Variants in EIF3H observed in about 807,000 individuals in gnomAD.
EIF3H encodes eIF-3-gamma.
A neutral mutation model predicts 44.2 loss-of-function variants in EIF3H; 26 were observed. The ratio of observed to expected loss-of-function variants is 0.59; its 90% CI spans 0.43 to 0.82. The LOEUF (loss-of-function observed/expected upper bound fraction) is 0.82. Ranked by LOEUF, EIF3H falls within the 40% of genes least tolerant of loss-of-function variation. The pLI, the probability that EIF3H is intolerant of heterozygous loss-of-function variation, is 0.00. For synonymous variants in EIF3H, 166 were observed against 151.9 expected (o/e 1.09, Z -0.68); for missense variants, 359 against 432.8 (o/e 0.83, Z 1.51).
intron 6 of EIF3H, 143 bp from the exon 7 acceptor site, chr8:116,646,746 G>C: frequency 8.6e-7 from 1 of 1,168,656 alleles, no homozygotes. Context: ...TTGGTAACTT[G>C]CGTCTAAGAA....
intron 2 of EIF3H, among the ~76,000 whole-genome samples, chr8:116,673,424 C>G (rs1813790460): frequency 6.6e-6 from 1 of 152,132 alleles, no homozygotes; most frequent in Admixed American, 6.5e-5. Context: ...GCCCAGTAAT[C>G]TCATCAATTT....
At chr8:116,694,659 G>A (rs7823870) in intron 2 of EIF3H, among the ~76,000 whole-genome samples, 82,828 of 151,994 alleles carry the variant, frequency 0.54, 24,511 homozygotes, top group Non-Finnish European at 0.67. Context: ...CTCACACTGC[G>A]GTGAAATCAT....
chr8:116,733,108 C>T (rs906465006), intron 1 of EIF3H, among the ~76,000 whole-genome samples: 1 of 152,170 alleles, frequency 6.6e-6, no homozygotes, highest in Non-Finnish European at 1.5e-5. Flanking sequence ...GCTAGAATGA[C>T]TCACAGAATC....
intron 7 of EIF3H, 23 bp downstream of exon 7, chr8:116,646,448 G>A: frequency 6.2e-7 from 1 of 1,614,040 alleles, no homozygotes; most frequent in Non-Finnish European, 8.5e-7. Flanking sequence ...AAACCAGCCA[G>A]GTTTTGCACT....
intron 1 of EIF3H, among the ~76,000 whole-genome samples, chr8:116,750,369 T>C (rs540141741): frequency 2.5e-5 from 1 of 39,764 alleles, no homozygotes; most frequent in South Asian, 7.1e-4. Context: ...CTGCTTTGAA[T>C]AAGGATGTGA....
chr8:116,689,888 AAAG>A (rs1347303424), intron 2 of EIF3H, among the ~76,000 whole-genome samples: 8 of 152,220 alleles, frequency 5.3e-5, no homozygotes, highest in Non-Finnish European at 1.2e-4. Context: ...CACAATAGGA[AAAG>A]TATATATCAT....
At chr8:116,682,260 G>A (rs1411912988) in intron 2 of EIF3H, among the ~76,000 whole-genome samples, 1 of 152,184 alleles carries the variant, frequency 6.6e-6, no homozygotes, top group Non-Finnish European at 1.5e-5. Context: ...TGGAAGCTTG[G>A]CAATCGGGGC....
At position 116,689,159 on chromosome 8, in the gene EIF3H, G is replaced by T. The variant is rs981319451; in HGVS notation, c.290-30179C>A. On this transcript the variant is annotated intron_variant, in intron 2 of 7. Transcript: ENST00000521861. ...AATGAACCTTGAAAAGATCATTTTAGTGAAATAAGTCAGAGACAAAAGGAC... is the reference window on the plus strand; with the variant it reads ...AATGAACCTTGAAAAGATCATTTTATTGAAATAAGTCAGAGACAAAAGGAC... The T allele has an allele frequency of 4.9e-5, 21 of 430,832 alleles. No homozygotes were observed. In the Admixed American group the frequency reaches 5.4e-4, roughly 11 times the overall value. The allele number at this position is 430,832 out of a possible 1,614,324, so 26.7% of individuals were successfully genotyped here.
At chr8:116,687,929 G>C (rs1241448827) in intron 2 of EIF3H, among the ~76,000 whole-genome samples, 3 of 152,004 alleles carry the variant, frequency 2.0e-5, no homozygotes, top group Non-Finnish European at 1.5e-5. Context: ...AAAAAATAAA[G>C]TACTTTAGAA....
At chr8:116,757,403 A>G (rs1431293874), upstream of EIF3H, among the ~76,000 whole-genome samples, 1 of 152,158 alleles carries the variant, frequency 6.6e-6, no homozygotes, top group Non-Finnish European at 1.5e-5. Context: ...TTTCATTCCT[A>G]TCTCACTGGC....
intron 6 of EIF3H, among the ~76,000 whole-genome samples, chr8:116,648,591 G>A (rs779171506): frequency 2.6e-5 from 4 of 152,136 alleles, no homozygotes; most frequent in Non-Finnish European, 4.4e-5. Context: ...TACAATCTGA[G>A]CTTAACAGCT....
chr8:116,706,450 A>G (rs1470086471), intron 2 of EIF3H, among the ~76,000 whole-genome samples: 1 of 151,806 alleles, frequency 6.6e-6, no homozygotes, highest in Non-Finnish European at 1.5e-5. Context: ...CTCTCCAAAC[A>G]CTCCATATAA....
chr8:116,755,842 G>A (rs200787928), upstream of EIF3H: 84 of 1,605,662 alleles, frequency 5.2e-5, no homozygotes, highest in Non-Finnish European at 6.7e-5. Context: ...GTTACCGGAA[G>A]CGGAAGTACA....
intron 1 of EIF3H, among the ~76,000 whole-genome samples, chr8:116,732,358 A>G (rs1814964136): frequency 6.6e-6 from 1 of 152,224 alleles, no homozygotes; most frequent in Admixed American, 6.5e-5. Context: ...ATAACATTAT[A>G]AGTCAATAAA....
chr8:116,651,287 A>T (rs1254291353), intron 5 of EIF3H, among the ~76,000 whole-genome samples: 1 of 152,222 alleles, frequency 6.6e-6, no homozygotes, highest in Non-Finnish European at 1.5e-5. Flanking sequence ...CTGGAGGCAG[A>T]GCAGGCAATC....
chr8:116,706,601 C>T (rs1448032137), intron 2 of EIF3H, among the ~76,000 whole-genome samples: 1 of 152,212 alleles, frequency 6.6e-6, no homozygotes, highest in African/African-American at 2.4e-5. Context: ...GTGGCACCAT[C>T]TCAGCTCACT....
chr8:116,755,827 C>G (rs569536603), upstream of EIF3H: 13 of 1,609,290 alleles, frequency 8.1e-6, no homozygotes, highest in African/African-American at 2.7e-5. Flanking sequence ...GAAAGAGAAA[C>G]GTGAGTTACC....
intron 5 of EIF3H, among the ~76,000 whole-genome samples, chr8:116,653,451 T>G (rs1321578106): frequency 6.6e-6 from 1 of 151,714 alleles, no homozygotes; most frequent in Non-Finnish European, 1.5e-5. Context: ...ACCAATTTTG[T>G]GGGAATCTTT....
chr8:116,667,466 A>C (rs540302435), intron 2 of EIF3H, among the ~76,000 whole-genome samples: 11 of 150,818 alleles, frequency 7.3e-5, no homozygotes, highest in Admixed American at 4.6e-4. Flanking sequence ...CAACTTCACA[A>C]AAAAAAAAAA....
Sources: allele counts gnomAD v4.1 joint callset (sites outside exome capture counted in the v4.1 genomes callset), GRCh38; gene constraint gnomAD v4.1.1; transcripts MANE v1.5; gene names NCBI Gene and HGNC (gene_info 2026-07-23, HGNC 2026-07-21).